SORCS2: variants seen among roughly 807,000 people sequenced by gnomAD.
SORCS2 encodes the protein sortilin related VPS10 domain containing receptor 2.
In SORCS2, 100 loss-of-function variants were observed where a neutral mutation model predicts 141.6. That is an observed-to-expected ratio of 0.71 (90% CI 0.60 to 0.83). The LOEUF (loss-of-function observed/expected upper bound fraction) is 0.83. SORCS2 is among the 40% of genes least tolerant of loss of function. SORCS2 has a pLI of 0.00. For synonymous variants in SORCS2, 789 were observed against 676.9 expected, an observed-to-expected ratio of 1.17 and a Z score of -2.57; for missense variants, 1,646 against 1,560.2, an observed-to-expected ratio of 1.05 and a Z score of -0.93.
intron 8 of SORCS2, among the ~76,000 whole-genome samples, chr4:7,667,658 G>T (rs1272999927): frequency 6.6e-6 from 1 of 152,122 alleles, no homozygotes; most frequent in Non-Finnish European, 1.5e-5. Context: ...GATGATCTCT[G>T]CTGTACTCAC....
At position 7,709,200 on chromosome 4, in the gene SORCS2, C is replaced by T. The variant is rs569296008; in HGVS notation, c.1869-3533C>T. On this transcript the variant is annotated intron_variant, in intron 14 of 26. Coordinates refer to ENST00000507866, the MANE Select transcript of SORCS2 (RefSeq NM_020777.3). ...CAGAACCCGCAGAGCCGCGGGGGGC[C>T]AGCAGTGCAGGGGTGAGGGCGGCCC... Among the ~76,000 whole-genome samples, 9 of 152,308 alleles carry T rather than the reference C, an allele frequency of 5.9e-5. No homozygotes were observed. In the East Asian group the frequency reaches 9.7e-4, roughly 16 times the overall value.
rs921125913 is a variant in SORCS2, at chr4:7,558,564, G to A, written c.648+26935G>A. 2.0e-5 allele frequency among the ~76,000 whole-genome samples: 3 copies of A among 152,160 alleles called. No individual in the cohort carries two copies. The South Asian group carries it at 6.2e-4, about 32-fold the overall frequency. ...ATGCCAGCTCCCTCTGTGCTGGTGCGGTGACCTTGAGCATCTGACAGTGCT... is the reference window on the plus strand; with the variant it reads ...ATGCCAGCTCCCTCTGTGCTGGTGCAGTGACCTTGAGCATCTGACAGTGCT... On this transcript the variant is annotated intron_variant, in intron 3 of 26. Coordinates refer to ENST00000507866, the MANE Select transcript of SORCS2 (RefSeq NM_020777.3).
At chr4:7,725,329 C>G (rs771998427) in intron 20 of SORCS2, 42 bp downstream of exon 20, 1 of 1,591,736 alleles carries the variant, frequency 6.3e-7, no homozygotes. Context: ...TTCCCGCAGG[C>G]TCCCCACAAG....
intron 3 of SORCS2, among the ~76,000 whole-genome samples, chr4:7,623,010 A>G (rs1719303227): frequency 1.3e-5 from 2 of 152,078 alleles, no homozygotes; most frequent in South Asian, 4.2e-4. Flanking sequence ...CTGACTGATG[A>G]CCGATGGCAT....
intron 1 of SORCS2, among the ~76,000 whole-genome samples, chr4:7,323,775 C>T (rs1719056409): frequency 6.6e-6 from 1 of 152,070 alleles, no homozygotes; most frequent in Non-Finnish European, 1.5e-5. Flanking sequence ...CCCAGTTTCC[C>T]CTCCACCCCC....
chr4:7,504,069 C>T (rs1732133649), intron 2 of SORCS2, among the ~76,000 whole-genome samples: 1 of 152,212 alleles, frequency 6.6e-6, no homozygotes, highest in South Asian at 2.1e-4. Flanking sequence ...CCCTTACAGG[C>T]CTCACCCTGG....
intron 1 of SORCS2, among the ~76,000 whole-genome samples, chr4:7,252,964 C>T (rs1713605921): frequency 6.6e-6 from 1 of 152,254 alleles, no homozygotes; most frequent in Non-Finnish European, 1.5e-5. Flanking sequence ...CAGGAAGCTG[C>T]ATGACTGTCC....
At chr4:7,357,055 G>A (rs1004803836) in intron 1 of SORCS2, among the ~76,000 whole-genome samples, 7 of 152,170 alleles carry the variant, frequency 4.6e-5, no homozygotes, top group African/African-American at 1.7e-4. Flanking sequence ...GGCTGGAGCT[G>A]GACTTGCACC....
chr4:7,711,160 AGTGT>A (rs943251925), intron 14 of SORCS2, among the ~76,000 whole-genome samples: 24 of 152,178 alleles, frequency 1.6e-4, no homozygotes, highest in Admixed American at 9.8e-4. Flanking sequence ...CAAAGACAAT[AGTGT>A]CTGCCTCTTG....
intron 1 of SORCS2, among the ~76,000 whole-genome samples, chr4:7,276,363 C>A (rs1715502383): frequency 6.6e-6 from 1 of 152,120 alleles, no homozygotes; most frequent in South Asian, 2.1e-4. Flanking sequence ...CAAGCTGTTC[C>A]CTCCGGCAGA....
At chr4:7,513,238 G>A (rs1732771803) in intron 2 of SORCS2, among the ~76,000 whole-genome samples, 2 of 152,244 alleles carry the variant, frequency 1.3e-5, no homozygotes, top group South Asian at 4.1e-4. Flanking sequence ...TGCGCTACAG[G>A]TGTCAGTTAC....
At chr4:7,725,052 G>T in intron 19 of SORCS2, 102 bp from the exon 20 acceptor site, 2 of 1,291,926 alleles carry the variant, frequency 1.5e-6, no homozygotes, top group Non-Finnish European at 2.2e-6. Flanking sequence ...TGGTGGTGGT[G>T]ATGATAGCAA....
rs150573475 is a variant in SORCS2, at chr4:7,327,679, G to A, written c.481-68609G>A. On this transcript the variant is annotated intron_variant, in intron 1 of 26. Coordinates refer to ENST00000507866, the MANE Select transcript of SORCS2 (RefSeq NM_020777.3). ...TTGCCCCTGCAGTGTCTCCCGGGAC[G>A]TCTCTTGTCTCTTGTGCAGACCCGT... Among the ~76,000 whole-genome samples the A allele has an allele frequency of 8.5e-5, 13 of 152,302 alleles. No individual in the cohort carries two copies. In the East Asian group the frequency reaches 1.7e-3, roughly 20 times the overall value.
chr4:7,399,508 C>T (rs1278226514), intron 2 of SORCS2, among the ~76,000 whole-genome samples: 3 of 152,236 alleles, frequency 2.0e-5, no homozygotes, highest in Admixed American at 6.5e-5. Context: ...CCCCTCCTGG[C>T]TTCCCTGATG....
chr4:7,524,952 C>G (rs991852300), intron 2 of SORCS2, among the ~76,000 whole-genome samples: 5 of 152,240 alleles, frequency 3.3e-5, no homozygotes, highest in African/African-American at 4.8e-5. Flanking sequence ...CCCGAGCACC[C>G]CTGGTCTGCA....
intron 2 of SORCS2, chr4:7,432,442 C>T (rs1726934096): frequency 6.6e-6 from 1 of 152,068 alleles, no homozygotes; most frequent in Admixed American, 6.5e-5. Flanking sequence ...TGATCATCCC[C>T]ATTCTACAGA....
rs139914587 is a variant in SORCS2 at position 7,436,044 on chromosome 4, C to T, written c.548+39689C>T. On this transcript the variant is annotated intron_variant, in intron 2 of 26. Coordinates refer to ENST00000507866, the MANE Select transcript of SORCS2 (RefSeq NM_020777.3). The stretch of plus-strand genomic sequence containing the variant: ...GAATGCAATAGTGCAGGGTGCTTCC[C>T]GCCAGCCCTCCTGCTGGGTACAGGG... Among the ~76,000 whole-genome samples, 234 of 152,356 alleles carry T rather than the reference C, an allele frequency of 1.5e-3. 2 individuals are homozygous for T. In the East Asian group the frequency reaches 0.031, roughly 20 times the overall value.
chr4:7,470,410 C>A (rs889648809), intron 2 of SORCS2, among the ~76,000 whole-genome samples: 2 of 152,194 alleles, frequency 1.3e-5, no homozygotes, highest in Admixed American at 6.5e-5. Context: ...TCCATCCAGC[C>A]ATCCAGCCAT....
At chr4:7,682,480 G>A (rs911163909) in intron 9 of SORCS2, among the ~76,000 whole-genome samples, 1 of 152,214 alleles carries the variant, frequency 6.6e-6, no homozygotes, top group African/African-American at 2.4e-5. Flanking sequence ...GGACCTGGGA[G>A]AACAGCTCAG....
Sources: gnomAD v4.1 joint callset for allele counts (sites outside exome capture counted in the v4.1 genomes callset) on GRCh38, gnomAD v4.1.1 for gene constraint, MANE v1.5 for transcripts, NCBI Gene and HGNC (gene_info 2026-07-23, HGNC 2026-07-21) for gene names.